MAMLD1: variants seen among roughly 807,000 people sequenced by gnomAD.
MAMLD1 encodes mastermind-like domain-containing protein 1.
A neutral mutation model predicts 45.0 loss-of-function variants in MAMLD1; 14 were observed. That is an observed-to-expected ratio of 0.31 (90% CI 0.21 to 0.49). The LOEUF is 0.49. Ranked by LOEUF, MAMLD1 falls within the 20% of genes least tolerant of loss-of-function variation. The pLI, the probability that MAMLD1 is intolerant of heterozygous loss-of-function variation, is 0.99. For missense variants in MAMLD1, 543 were observed against 603.6 expected, an observed-to-expected ratio of 0.90 and a Z score of 1.05; for synonymous variants, 254 against 247.8, an observed-to-expected ratio of 1.02 and a Z score of -0.24.
intron 5 of MAMLD1, among the ~76,000 whole-genome samples, chrX:150,491,390 TA>T (rs2037183032): frequency 8.9e-6 from 1 of 112,246 alleles, no homozygotes; most frequent in Admixed American, 9.5e-5. Flanking sequence ...TCAGATCACC[TA>T]CTGCCAAGCA....
At chrX:150,399,354 A>T (rs782537236) in intron 1 of MAMLD1, among the ~76,000 whole-genome samples, 1 of 112,227 alleles carries the variant, frequency 8.9e-6, no homozygotes, top group South Asian at 3.7e-4. Context: ...AAATATTATC[A>T]TCGGCAACTG....
intron 1 of MAMLD1, among the ~76,000 whole-genome samples, chrX:150,368,882 T>C (rs1203295548): frequency 5.4e-5 from 6 of 111,902 alleles, no homozygotes; most frequent in Non-Finnish European, 1.1e-4. Flanking sequence ...AGATGTGTGG[T>C]ATTATTTCTG....
chrX:150,467,314 T>A (rs782691767), intron 3 of MAMLD1, among the ~76,000 whole-genome samples: 1 of 112,037 alleles, frequency 8.9e-6, no homozygotes, highest in Non-Finnish European at 1.9e-5. Flanking sequence ...GGGTAATTTA[T>A]GTTCCTTTGT....
In MAMLD1 at chrX:150,513,411, G is replaced by A. The variant is rs1272287947; in HGVS notation, c.*1452G>A. On this transcript the variant is annotated 3_prime_UTR_variant, in exon 8 of 8. Transcript: ENST00000370401. ...ATACAATGTTACAAATATGCAGACCGTGTTGTTTGCTCCAGTGATACCTTG... is the reference window on the plus strand; with the variant it reads ...ATACAATGTTACAAATATGCAGACCATGTTGTTTGCTCCAGTGATACCTTG... 6 of 309,378 alleles carry A rather than the reference G, an allele frequency of 1.9e-5. No individual in the cohort carries two copies. Among genetic ancestry groups the A allele is most frequent in the Admixed American group, 5.4e-5 (1 of 18,402 alleles). The allele number at this position is 309,378 out of a possible 1,213,427, so 25.5% of individuals were successfully genotyped here.
At chrX:150,505,023 C>T (rs377111872) in intron 6 of MAMLD1, 4 of 750,556 alleles carry the variant, frequency 5.3e-6, no homozygotes, top group African/African-American at 4.6e-5. Flanking sequence ...CTTCCCAGAC[C>T]GGCCAAGACT....
At chrX:150,380,145 C>T (rs782191754) in intron 1 of MAMLD1, among the ~76,000 whole-genome samples, 12 of 112,032 alleles carry the variant, frequency 1.1e-4, no homozygotes, top group South Asian at 3.7e-4. Context: ...TTCCCATTAG[C>T]AATGTATGAG....
At chrX:150,503,761 C>T (rs2037639375) in intron 6 of MAMLD1, among the ~76,000 whole-genome samples, 1 of 112,466 alleles carries the variant, frequency 8.9e-6, no homozygotes, top group East Asian at 2.8e-4. Flanking sequence ...CCAGGTGCCT[C>T]AGCCCCACCT....
intron 1 of MAMLD1, among the ~76,000 whole-genome samples, chrX:150,431,471 A>G (rs1041774407): frequency 3.6e-5 from 4 of 109,685 alleles, no homozygotes; most frequent in African/African-American, 1.3e-4. Flanking sequence ...ATATAGGTAA[A>G]TTGCATGTCA....
intron 5 of MAMLD1, among the ~76,000 whole-genome samples, chrX:150,489,247 T>C (rs183123428): frequency 4.9e-4 from 54 of 110,870 alleles, no homozygotes; most frequent in African/African-American, 1.6e-3. Context: ...TTAGAGACAA[T>C]GGAAATGCAT....
In MAMLD1 at chrX:150,417,255, C is replaced by T. The variant is rs1442510874; in HGVS notation, c.-63-28199C>T. Among the ~76,000 whole-genome samples the T allele has an allele frequency of 8.4e-5, 9 of 106,736 alleles. No homozygotes were observed. In the East Asian group the frequency reaches 2.3e-3, roughly 28 times the overall value. The allele number at this position is 106,736 out of a possible 115,157, so 92.7% of individuals were successfully genotyped here. On this transcript the variant is annotated intron_variant, in intron 1 of 7. Coordinates refer to ENST00000370401, the MANE Select transcript of MAMLD1 (RefSeq NM_005491.5). ...ATTCCCACCTATGAGTGAGAATATG[C>T]AGTGTTTGGTTTTTTGTTCTTGTGA... is the stretch of plus-strand genomic sequence containing the variant.
At chrX:150,503,187 C>G in intron 5 of MAMLD1, 87 bp from the exon 6 acceptor site, 1 of 856,684 alleles carries the variant, frequency 1.2e-6, no homozygotes, top group Non-Finnish European at 1.8e-6. Flanking sequence ...CCCAGATGAC[C>G]CAGCTAGACA....
At chrX:150,509,881 C>T in intron 6 of MAMLD1, 81 bp from the exon 7 acceptor site, 1 of 724,720 alleles carries the variant, frequency 1.4e-6, no homozygotes, top group Non-Finnish European at 2.2e-6. Context: ...AAGCCAAGTC[C>T]TAGGTCCCCA....
At chrX:150,443,246 T>G (rs1447807296) in intron 1 of MAMLD1, among the ~76,000 whole-genome samples, 2 of 99,524 alleles carry the variant, frequency 2.0e-5, no homozygotes, top group African/African-American at 7.7e-5. Flanking sequence ...TTTTTTTTTT[T>G]GGTCTCATTC....
intron 1 of MAMLD1, among the ~76,000 whole-genome samples, chrX:150,438,811 T>A (rs1413071251): frequency 8.9e-6 from 1 of 112,592 alleles, no homozygotes; most frequent in Non-Finnish European, 1.9e-5. Context: ...AGAACATTTG[T>A]GCAAAAGTAT....
At chrX:150,461,437 G>A (rs1285365748) in intron 2 of MAMLD1, among the ~76,000 whole-genome samples, 2 of 112,584 alleles carry the variant, frequency 1.8e-5, no homozygotes, top group African/African-American at 6.5e-5. Context: ...CCTAGGTGAA[G>A]GAAAGTCTGG....
chrX:150,431,376 G>A (rs184667462), intron 1 of MAMLD1, among the ~76,000 whole-genome samples: 2 of 85,806 alleles, frequency 2.3e-5, no homozygotes, highest in Non-Finnish European at 4.5e-5. Flanking sequence ...AACTGCAATC[G>A]TTTTACTTCT....
intron 2 of MAMLD1, among the ~76,000 whole-genome samples, chrX:150,457,837 T>C (rs2035918282): frequency 1.8e-5 from 2 of 112,448 alleles, no homozygotes; most frequent in South Asian, 3.7e-4. Context: ...TTTGGGATGA[T>C]GAAAAAGTTC....
intron 5 of MAMLD1, 75 bp from the exon 6 acceptor site, chrX:150,503,199 T>A (rs2037617202): frequency 1.1e-6 from 1 of 951,863 alleles, no homozygotes; most frequent in Admixed American, 2.2e-5. Flanking sequence ...AGCTAGACAC[T>A]CAGGGCAGTG....
chrX:150,474,427 A>G (rs969785580), intron 5 of MAMLD1, among the ~76,000 whole-genome samples: 4 of 112,545 alleles, frequency 3.6e-5, no homozygotes, highest in Admixed American at 1.9e-4. Flanking sequence ...ATACATCTAA[A>G]GCACTTTGAA....
Sources: allele counts gnomAD v4.1 joint callset (sites outside exome capture counted in the v4.1 genomes callset), GRCh38; gene constraint gnomAD v4.1.1; transcripts MANE v1.5; gene names NCBI Gene and HGNC (gene_info 2026-07-23, HGNC 2026-07-21).